Variants in FARP1 observed in about 807,000 individuals in gnomAD.
FARP1 encodes the protein FERM, ARHGEF and pleckstrin domain-containing protein 1.
A neutral mutation model predicts 128.8 loss-of-function variants in FARP1; 52 were observed. The observed-to-expected ratio is 0.40, with a 90% CI of 0.32 to 0.51. The LOEUF (loss-of-function observed/expected upper bound fraction) is 0.51, where lower values mean the gene tolerates loss of function less well. Ranked by LOEUF, FARP1 falls within the 20% of genes least tolerant of loss-of-function variation. The pLI, the probability that FARP1 is intolerant of heterozygous loss-of-function variation, is 0.45. For synonymous variants in FARP1, 580 were observed against 551.8 expected (o/e 1.05, Z -0.72); for missense variants, 1,333 against 1,367.9 (o/e 0.97, Z 0.40).
chr13:98,283,308 G>A (rs1207868371), intron 2 of FARP1, among the ~76,000 whole-genome samples: 1 of 152,126 alleles, frequency 6.6e-6, no homozygotes, highest in African/African-American at 2.4e-5. Context: ...GCAAATTTAA[G>A]GTCAAGAAAG....
chr13:98,165,810 C>T (rs138336455), intron 1 of FARP1, among the ~76,000 whole-genome samples: 102 of 142,068 alleles, frequency 7.2e-4, no homozygotes, highest in Non-Finnish European at 1.2e-3. Context: ...CTCTGCTTCC[C>T]AGGTTCAAGC....
At chr13:98,205,129 A>T (rs1938273838) in intron 1 of FARP1, among the ~76,000 whole-genome samples, 1 of 152,214 alleles carries the variant, frequency 6.6e-6, no homozygotes, top group South Asian at 2.1e-4. Context: ...CTAGCTGCCC[A>T]AATGATTCCT....
chr13:98,372,118 G>A (rs1156720020), intron 5 of FARP1, among the ~76,000 whole-genome samples: 37 of 124,168 alleles, frequency 3.0e-4, no homozygotes, highest in Non-Finnish European at 1.3e-4. Flanking sequence ...ATGGAGTCTC[G>A]CTCTGTCGCC....
At chr13:98,323,431 G>A (rs1887091966) in intron 2 of FARP1, among the ~76,000 whole-genome samples, 1 of 150,010 alleles carries the variant, frequency 6.7e-6, no homozygotes, top group Non-Finnish European at 1.5e-5. Flanking sequence ...CTTCGGAGAT[G>A]TGGTTGTTTA....
At chr13:98,282,330 A>G (rs2139629446) in intron 2 of FARP1, among the ~76,000 whole-genome samples, 1 of 152,086 alleles carries the variant, frequency 6.6e-6, no homozygotes, top group Non-Finnish European at 1.5e-5. Flanking sequence ...TGATTAACAA[A>G]CTCAATTAAC....
At position 98,336,297 on chromosome 13, in the gene FARP1, G is replaced by A. The variant is rs1036300910; in HGVS notation, c.172-7465G>A. 2.6e-5 allele frequency among the ~76,000 whole-genome samples: 4 copies of A among 151,632 alleles called. No individual in the cohort carries two copies. In the East Asian group the frequency reaches 5.8e-4, roughly 22 times the overall value. The stretch of plus-strand genomic sequence containing the variant: ...CAGGGAGTCTTACTCTGTCGCCCGG[G>A]CTGGAGTGCAGTTGCGTGATCTTGG... On this transcript the variant is annotated intron_variant, in intron 2 of 26. Transcript: ENST00000319562.
intron 2 of FARP1, among the ~76,000 whole-genome samples, chr13:98,237,795 T>A (rs909220953): frequency 1.3e-5 from 2 of 152,184 alleles, no homozygotes; most frequent in African/African-American, 4.8e-5. Context: ...TGCCCACCAT[T>A]TCAAGATAAA....
chr13:98,245,414 T>C (rs1383696850), intron 2 of FARP1: 5 of 900,178 alleles, frequency 5.6e-6, no homozygotes, highest in African/African-American at 5.4e-5. Context: ...CAGTGTTTTA[T>C]GTGACAAAAT....
chr13:98,208,292 T>C (rs1234012541), intron 1 of FARP1, among the ~76,000 whole-genome samples: 1 of 143,110 alleles, frequency 7.0e-6, no homozygotes, highest in Non-Finnish European at 1.5e-5. Context: ...GCCAACATGG[T>C]GAAACCCCAT....
In FARP1 at chr13:98,424,479, T is replaced by C. The variant is rs1409603673; in HGVS notation, c.1827-93T>C. 5 of 808,562 alleles carry C rather than the reference T, an allele frequency of 6.2e-6. No homozygotes were observed. The African/African-American group carries it at 8.3e-5, about 13-fold the overall frequency. 50.1% of individuals were successfully genotyped at this position (808,562 alleles called of 1,614,324 possible). A position where few individuals can be genotyped will look rare whatever the true frequency, so the allele number is the denominator to read the frequency against. On this transcript the variant is annotated intron_variant, in intron 16 of 26. Transcript: ENST00000319562. ...TCAGGAGATGTCCGGGGAGGGGTGATTGGAAAGGAAGCGGTAGGCTGATAT... is the reference window on the plus strand; with the variant it reads ...TCAGGAGATGTCCGGGGAGGGGTGACTGGAAAGGAAGCGGTAGGCTGATAT...
chr13:98,349,626 G>A (rs555765157), intron 3 of FARP1, among the ~76,000 whole-genome samples: 3 of 129,414 alleles, frequency 2.3e-5, no homozygotes, highest in South Asian at 2.7e-4. Context: ...AGCCGAGATC[G>A]CACCACTGCA....
chr13:98,345,470 A>G (rs1051904190), intron 3 of FARP1: 9 of 152,164 alleles, frequency 5.9e-5, no homozygotes, highest in African/African-American at 1.7e-4. Context: ...TTGTAAGCCT[A>G]TTGTTCTTTC....
chr13:98,441,833 C>T (rs139639466), intron 24 of FARP1, among the ~76,000 whole-genome samples: 111 of 152,194 alleles, frequency 7.3e-4, no homozygotes, highest in African/African-American at 2.6e-3. Context: ...GGCTTCTGAA[C>T]CTTTCACTTC....
intron 1 of FARP1, among the ~76,000 whole-genome samples, chr13:98,167,968 C>G (rs1360435426): frequency 6.6e-6 from 1 of 151,392 alleles, no homozygotes; most frequent in East Asian, 2.0e-4. Flanking sequence ...GTCAGGAGAT[C>G]GAGACCATCC....
intron 26 of FARP1, 107 bp from the exon 27 acceptor site, chr13:98,448,129 C>T (rs538538405): frequency 2.2e-6 from 2 of 921,718 alleles, no homozygotes; most frequent in Middle Eastern, 3.3e-4. Context: ...GGCAGATTAC[C>T]AACCAGGCGG....
chr13:98,350,653 C>G (rs931807122), intron 3 of FARP1, among the ~76,000 whole-genome samples: 1 of 152,194 alleles, frequency 6.6e-6, no homozygotes, highest in East Asian at 1.9e-4. Flanking sequence ...GTTCCTCCCT[C>G]TCTCCTCGTG....
intron 2 of FARP1, among the ~76,000 whole-genome samples, chr13:98,259,014 G>A (rs1047500829): frequency 5.3e-5 from 8 of 152,174 alleles, no homozygotes; most frequent in African/African-American, 1.9e-4. Flanking sequence ...TTGAGACCAG[G>A]CTGGGCAACA....
chr13:98,305,118 A>ATATATAT (rs1555335715), intron 2 of FARP1, among the ~76,000 whole-genome samples: 2 of 102,916 alleles, frequency 1.9e-5, no homozygotes, highest in Non-Finnish European at 4.3e-5. Context: ...ATATATATAT[A>ATATATAT]TTTTTTAATT....
chr13:98,246,124 T>C, intron 2 of FARP1, among the ~76,000 whole-genome samples: 1 of 107,976 alleles, frequency 9.3e-6, no homozygotes, highest in African/African-American at 3.8e-5. Context: ...TGAGACGGAG[T>C]CTCGCTGTCA....
Sources: gnomAD v4.1 joint callset for allele counts (sites outside exome capture counted in the v4.1 genomes callset) on GRCh38, gnomAD v4.1.1 for gene constraint, MANE v1.5 for transcripts, NCBI Gene and HGNC (gene_info 2026-07-23, HGNC 2026-07-21) for gene names.